The following PALM2AKAP2 variants were observed in gnomAD, a reference collection of about 807,000 sequenced individuals.
PALM2AKAP2 encodes PALM2-AKAP2 fusion protein.
PALM2AKAP2 carries 37 observed loss-of-function variants against 71.5 expected under a neutral mutation model. That is an observed-to-expected ratio of 0.52 (90% CI 0.40 to 0.68). The LOEUF (loss-of-function observed/expected upper bound fraction) is 0.68, where lower values mean the gene tolerates loss of function less well. Ranked by LOEUF, PALM2AKAP2 falls within the 30% of genes least tolerant of loss-of-function variation. The pLI, the probability that PALM2AKAP2 is intolerant of heterozygous loss-of-function variation, is 0.00. For missense variants in PALM2AKAP2, 1,224 were observed against 1,191.8 expected, an observed-to-expected ratio of 1.03 and a Z score of -0.40; for synonymous variants, 468 against 478.8, an observed-to-expected ratio of 0.98 and a Z score of 0.29.
intron 6 of PALM2AKAP2, among the ~76,000 whole-genome samples, chr9:110,014,555 G>A (rs141707864): frequency 2.6e-5 from 4 of 151,478 alleles, no homozygotes; most frequent in East Asian, 1.9e-4. Flanking sequence ...GGCACATCAC[G>A]TGAGGTCAGG....
chr9:109,648,063 A>T (rs1827177773), intron 1 of PALM2AKAP2, among the ~76,000 whole-genome samples: 1 of 152,152 alleles, frequency 6.6e-6, no homozygotes, highest in South Asian at 2.1e-4. Context: ...TGCTGTTCTC[A>T]TGATAGTGAG....
intron 6 of PALM2AKAP2, among the ~76,000 whole-genome samples, chr9:109,975,060 G>GCA (rs35855395): frequency 0.05 from 7,417 of 149,356 alleles, 255 homozygotes; most frequent in Admixed American, 0.11. Flanking sequence ...ATCTGCACGT[G>GCA]CACACACACA....
At chr9:109,901,334 C>T (rs148344076) in intron 3 of PALM2AKAP2, among the ~76,000 whole-genome samples, 8 of 152,198 alleles carry the variant, frequency 5.3e-5, no homozygotes, top group Non-Finnish European at 7.3e-5. Context: ...CTTAGCTCCA[C>T]GTGGAGGTTG....
intron 1 of PALM2AKAP2, among the ~76,000 whole-genome samples, chr9:109,744,949 T>C (rs1454541540): frequency 6.6e-6 from 1 of 152,182 alleles, no homozygotes; most frequent in Non-Finnish European, 1.5e-5. Context: ...CTCCATGAGC[T>C]CCCTCTAAGT....
intron 1 of PALM2AKAP2, among the ~76,000 whole-genome samples, chr9:109,835,129 C>G (rs970193855): frequency 6.6e-6 from 1 of 151,284 alleles, no homozygotes; most frequent in Non-Finnish European, 1.5e-5. Flanking sequence ...GGTTGAGAAG[C>G]AGAGGGGACC....
rs780481991 is a variant in PALM2AKAP2 at position 110,136,589 on chromosome 9, A to G, written c.619A>G (p.Ser207Gly). The G allele has an allele frequency of 4.3e-6, 7 of 1,613,826 alleles. No individual in the cohort carries two copies. The South Asian group carries it at 5.5e-5, about 13-fold the overall frequency. The change falls in exon 2 of 4, where the codon AGT (serine) becomes GGT (glycine). Residue 207 changes from serine (S) to glycine (G), a missense_variant. By Grantham distance (56) the Ser-to-Gly change is moderately conservative. Coordinates refer to ENST00000374525, the Ensembl canonical transcript of PALM2AKAP2. ...GCAGGCACCTCCTCACATCGAGCTC[A>G]GTAATAGCAGCCCTGACCCCATGGC...
chr9:110,168,278 T>C, intron 3 of PALM2AKAP2, 121 bp from the exon 11 acceptor site: 3 of 1,234,960 alleles, frequency 2.4e-6, no homozygotes, highest in South Asian at 1.6e-5. Flanking sequence ...CTCCCAGCAG[T>C]GCTTTATCAC....
chr9:109,765,047 C>G (rs752105162), intron 1 of PALM2AKAP2, among the ~76,000 whole-genome samples: 1 of 152,202 alleles, frequency 6.6e-6, no homozygotes, highest in Non-Finnish European at 1.5e-5. Context: ...CTCATTATAG[C>G]TCTGATTCTT....
At position 109,953,790 on chromosome 9, in the gene PALM2AKAP2, G is replaced by A. The variant is rs538401284; in HGVS notation, c.496+21762G>A. On this transcript the variant is annotated intron_variant, in intron 6 of 9. Transcript: ENST00000302798. ...GTGGAGGCTGCAGTGAGCTGAGATC[G>A]CACCACTGCACTCTAGCCTGGGTGA... 3.6e-5 allele frequency among the ~76,000 whole-genome samples: 5 copies of A among 137,332 alleles called. No individual in the cohort carries two copies. In the South Asian group the frequency reaches 9.0e-4, roughly 25 times the overall value. The allele number at this position is 137,332 out of a possible 152,430, so 90.1% of individuals were successfully genotyped here. A position where few individuals can be genotyped will look rare whatever the true frequency, so the allele number is the denominator to read the frequency against.
At chr9:109,782,001 A>G (rs2118803706) in intron 1 of PALM2AKAP2, among the ~76,000 whole-genome samples, 1 of 152,330 alleles carries the variant, frequency 6.6e-6, no homozygotes, top group South Asian at 2.1e-4. Context: ...TTAACTGTTG[A>G]TGCAGTGGCT....
At chr9:109,935,329 A>G (rs556293118) in intron 6 of PALM2AKAP2, among the ~76,000 whole-genome samples, 3 of 152,326 alleles carry the variant, frequency 2.0e-5, no homozygotes, top group Admixed American at 6.5e-5. Flanking sequence ...TGTTGGAACC[A>G]AAGTCAGAGC....
At chr9:109,957,098 C>T (rs997808645) in intron 6 of PALM2AKAP2, among the ~76,000 whole-genome samples, 5 of 152,162 alleles carry the variant, frequency 3.3e-5, no homozygotes, top group Non-Finnish European at 5.9e-5. Flanking sequence ...TCGAGTACAT[C>T]AGTAGCAAAC....
intron 1 of PALM2AKAP2, among the ~76,000 whole-genome samples, chr9:109,722,288 G>T (rs1380218600): frequency 6.6e-6 from 1 of 152,110 alleles, no homozygotes; most frequent in African/African-American, 2.4e-5. Flanking sequence ...GAATACACAC[G>T]CATACACACA....
chr9:109,693,056 C>G (rs1358284967), intron 1 of PALM2AKAP2, among the ~76,000 whole-genome samples: 1 of 151,878 alleles, frequency 6.6e-6, no homozygotes, highest in Non-Finnish European at 1.5e-5. Context: ...ATTGGCATTG[C>G]ACTCCTGTAA....
intron 1 of PALM2AKAP2, among the ~76,000 whole-genome samples, chr9:109,651,598 G>A (rs55864165): frequency 1.6e-4 from 25 of 152,252 alleles, no homozygotes; most frequent in African/African-American, 5.3e-4. Flanking sequence ...TCTTATTGCC[G>A]GGATGGAATC....
chr9:109,703,128 C>T (rs977380323), intron 1 of PALM2AKAP2, among the ~76,000 whole-genome samples: 2 of 152,152 alleles, frequency 1.3e-5, no homozygotes, highest in Non-Finnish European at 2.9e-5. Flanking sequence ...CTATTTTTTA[C>T]CATTTCTAAA....
intron 6 of PALM2AKAP2, among the ~76,000 whole-genome samples, chr9:109,952,370 A>T (rs1831661077): frequency 1.3e-5 from 2 of 152,266 alleles, no homozygotes; most frequent in Admixed American, 6.5e-5. Context: ...CCTGCAGAGC[A>T]GTCACAGAAA....
chr9:109,850,811 G>A (rs1828988660), intron 1 of PALM2AKAP2, among the ~76,000 whole-genome samples: 1 of 152,210 alleles, frequency 6.6e-6, no homozygotes. Context: ...TTAAGCAGCA[G>A]CAAATGCTAT....
chr9:110,063,938 G>T (rs1211925322), intron 1 of PALM2AKAP2, among the ~76,000 whole-genome samples: 2 of 152,158 alleles, frequency 1.3e-5, no homozygotes, highest in Non-Finnish European at 2.9e-5. Flanking sequence ...CCCATTTGAG[G>T]CTCTTTACCA....
Sources: gnomAD v4.1 joint callset for allele counts (sites outside exome capture counted in the v4.1 genomes callset) on GRCh38, gnomAD v4.1.1 for gene constraint, MANE v1.5 for transcripts, NCBI Gene and HGNC (gene_info 2026-07-23, HGNC 2026-07-21) for gene names.